CAMK1D: variants seen among roughly 807,000 people sequenced by gnomAD.
CAMK1D encodes calcium/calmodulin dependent protein kinase ID, also known as calcium/calmodulin-dependent protein kinase type 1D.
CAMK1D carries 9 observed loss-of-function variants against 47.7 expected under a neutral mutation model. The ratio of observed to expected loss-of-function variants is 0.19; its 90% confidence interval spans 0.11 to 0.33. The LOEUF (loss-of-function observed/expected upper bound fraction) is 0.33. Among genes scored for constraint, CAMK1D ranks in the 10% least tolerant of loss-of-function variants. The probability of loss-of-function intolerance (pLI) is 1.00; values close to 1 mark genes in which losing one functional copy is unlikely to be tolerated. For missense variants in CAMK1D, 291 were observed against 488.7 expected, an observed-to-expected ratio of 0.60 and a Z score of 3.81; for synonymous variants, 184 against 184.9, an observed-to-expected ratio of 0.99 and a Z score of 0.04.
intron 1 of CAMK1D, among the ~76,000 whole-genome samples, chr10:12,449,330 C>T (rs11596121): frequency 0.079 from 12,062 of 152,042 alleles, 542 homozygotes; most frequent in East Asian, 0.11. Flanking sequence ...TAGCTGCTCC[C>T]GTGTTGAGAG....
intron 8 of CAMK1D, among the ~76,000 whole-genome samples, chr10:12,821,355 TC>T (rs1241059777): frequency 1.3e-5 from 2 of 152,184 alleles, no homozygotes; most frequent in African/African-American, 4.8e-5. Context: ...GTAGCCAAGT[TC>T]ACATTCCTGA....
chr10:12,355,149 G>A (rs1033727365), intron 1 of CAMK1D, among the ~76,000 whole-genome samples: 4 of 152,042 alleles, frequency 2.6e-5, no homozygotes, highest in Non-Finnish European at 5.9e-5. Flanking sequence ...AGCTCTGGAG[G>A]GACATTTTTG....
chr10:12,511,994 G>GTTT (rs1375276961), intron 1 of CAMK1D, among the ~76,000 whole-genome samples: 1 of 152,240 alleles, frequency 6.6e-6, no homozygotes, highest in African/African-American at 2.4e-5. Context: ...TGTGCAATGG[G>GTTT]TGTAAAGATA....
chr10:12,570,738 G>A (rs1190522713), intron 2 of CAMK1D, among the ~76,000 whole-genome samples: 1 of 150,550 alleles, frequency 6.6e-6, no homozygotes, highest in Admixed American at 6.6e-5. Context: ...GCTGAGGAGG[G>A]CAGGTAACTT....
intron 1 of CAMK1D, among the ~76,000 whole-genome samples, chr10:12,387,179 G>A (rs1278142277): frequency 6.7e-6 from 1 of 149,516 alleles, no homozygotes; most frequent in African/African-American, 2.5e-5. Flanking sequence ...CCTCCAGCCT[G>A]GGCGTCCAAG....
chr10:12,499,458 G>A (rs45559032), intron 1 of CAMK1D, among the ~76,000 whole-genome samples: 2,959 of 152,228 alleles, frequency 0.019, 40 homozygotes, highest in Non-Finnish European at 0.027. Context: ...AGAAAGATGT[G>A]TCAGAACCGA....
chr10:12,827,985 A>G (rs1833317557), intron 10 of CAMK1D, among the ~76,000 whole-genome samples: 1 of 152,190 alleles, frequency 6.6e-6, no homozygotes, highest in East Asian at 1.9e-4. Flanking sequence ...CTTATTTCAA[A>G]GTGCTCTGCG....
intron 2 of CAMK1D, among the ~76,000 whole-genome samples, chr10:12,619,547 C>A (rs1838926552): frequency 6.6e-6 from 1 of 152,098 alleles, no homozygotes; most frequent in Non-Finnish European, 1.5e-5. Flanking sequence ...TTCAGCCTCC[C>A]AAAGTGTTGG....
chr10:12,566,917 G>GT (rs1386428573), intron 2 of CAMK1D, among the ~76,000 whole-genome samples: 3 of 152,156 alleles, frequency 2.0e-5, no homozygotes, highest in African/African-American at 4.8e-5. Context: ...GCGATGCAGT[G>GT]TTTTTTCCAG....
chr10:12,703,793 T>C (rs986523460), intron 3 of CAMK1D, among the ~76,000 whole-genome samples: 1 of 148,500 alleles, frequency 6.7e-6, no homozygotes, highest in African/African-American at 2.5e-5. Context: ...TGCTTAAACC[T>C]GGGAGGCGGA....
intron 1 of CAMK1D, among the ~76,000 whole-genome samples, chr10:12,372,670 T>C (rs1036832614): frequency 6.6e-6 from 1 of 152,174 alleles, no homozygotes; most frequent in African/African-American, 2.4e-5. Flanking sequence ...TCAGGCTGGA[T>C]CATGGCTCAC....
At chr10:12,424,992 A>T (rs1840178707) in intron 1 of CAMK1D, among the ~76,000 whole-genome samples, 1 of 152,172 alleles carries the variant, frequency 6.6e-6, no homozygotes, top group Non-Finnish European at 1.5e-5. Flanking sequence ...GGTTCAGGTG[A>T]TACACCCTGT....
At chr10:12,687,297 T>C (rs1407943249) in intron 3 of CAMK1D, among the ~76,000 whole-genome samples, 1 of 152,040 alleles carries the variant, frequency 6.6e-6, no homozygotes, top group African/African-American at 2.4e-5. Context: ...ATACACAGCA[T>C]GTTTTGACAA....
intron 3 of CAMK1D, among the ~76,000 whole-genome samples, chr10:12,674,495 A>G (rs954226949): frequency 2.0e-5 from 3 of 151,544 alleles, no homozygotes; most frequent in Non-Finnish European, 4.4e-5. Flanking sequence ...TTGCTATTTC[A>G]ATTCTGAGTA....
intron 2 of CAMK1D, among the ~76,000 whole-genome samples, chr10:12,622,185 G>A (rs1008286160): frequency 6.6e-6 from 1 of 152,200 alleles, no homozygotes; most frequent in South Asian, 2.1e-4. Context: ...CTTGTGAGGT[G>A]GACACCTAGG....
chr10:12,361,972 C>T (rs11257737), intron 1 of CAMK1D, among the ~76,000 whole-genome samples: 2 of 152,180 alleles, frequency 1.3e-5, no homozygotes, highest in East Asian at 1.9e-4. Context: ...TCCCCTACCC[C>T]CCGCCGGTCT....
chr10:12,408,039 G>A (rs1469590976), intron 1 of CAMK1D, among the ~76,000 whole-genome samples: 1 of 151,964 alleles, frequency 6.6e-6, no homozygotes, highest in Non-Finnish European at 1.5e-5. Context: ...TATATTTTTA[G>A]TAGAGACGGT....
chr10:12,366,551 C>G (rs951237267), intron 1 of CAMK1D, among the ~76,000 whole-genome samples: 1 of 149,378 alleles, frequency 6.7e-6, no homozygotes, highest in Non-Finnish European at 1.5e-5. Context: ...CCTGGCTACT[C>G]GGGAGGCTGA....
intron 1 of CAMK1D, among the ~76,000 whole-genome samples, chr10:12,375,125 T>G (rs1838139085): frequency 6.6e-6 from 1 of 152,066 alleles, no homozygotes; most frequent in Non-Finnish European, 1.5e-5. Flanking sequence ...GAAAATTTTC[T>G]CTGATGCAAC....
Sources: allele counts gnomAD v4.1 joint callset (sites outside exome capture counted in the v4.1 genomes callset), GRCh38; gene constraint gnomAD v4.1.1; transcripts MANE v1.5; gene names NCBI Gene and HGNC (gene_info 2026-07-23, HGNC 2026-07-21).